Variants in MCM5 observed in about 807,000 individuals in gnomAD.
MCM5 encodes the protein minichromosome maintenance complex component 5.
A neutral mutation model predicts 79.9 loss-of-function variants in MCM5; 46 were observed. That is an observed-to-expected ratio of 0.58 (90% CI 0.45 to 0.74). MCM5 has a LOEUF of 0.74. Among genes scored for constraint, MCM5 ranks in the 30% least tolerant of loss-of-function variants. MCM5 has a pLI of 0.00. For missense variants in MCM5, 883 were observed against 1,017.0 expected, an observed-to-expected ratio of 0.87 and a Z score of 1.79; for synonymous variants, 404 against 390.5, an observed-to-expected ratio of 1.03 and a Z score of -0.41.
the MCM5 span, among the ~76,000 whole-genome samples, chr22:35,449,852 G>C: frequency 6.6e-6 from 1 of 152,168 alleles, no homozygotes; most frequent in African/African-American, 2.4e-5. Flanking sequence ...CACAATCACT[G>C]TTCACTGCAG....
chr22:35,454,044 GAC>G, the MCM5 span, among the ~76,000 whole-genome samples: 14 of 152,098 alleles, frequency 9.2e-5, no homozygotes, highest in African/African-American at 2.9e-4. Flanking sequence ...GACAGAGACA[GAC>G]AGAGATAGAG....
At chr22:35,444,166 G>GGAGAGAGA in the MCM5 span, among the ~76,000 whole-genome samples, 308 of 148,014 alleles carry the variant, frequency 2.1e-3, 2 homozygotes, top group African/African-American at 3.3e-3. Context: ...CTGACAGGCA[G>GGAGAGAGA]GAGAGAGAGA....
At chr22:35,411,172 A>C (rs976194615) in intron 7 of MCM5, 20 of 306,552 alleles carry the variant, frequency 6.5e-5, no homozygotes, top group Non-Finnish European at 9.7e-5. Flanking sequence ...AATTACTGAA[A>C]GCCAAGTCTT....
Position 35,423,076 on chromosome 22 carries a change from C to G in MCM5, c.1976-138C>G, listed in dbSNP as rs1039221378. ...TCTCCTCAATCAGGCCTGCACCACC[C>G]TGGCACACTCGGTGCCCTTTTCTGA... On this transcript the variant is annotated intron_variant, in intron 15 of 16. Coordinates refer to ENST00000216122, the MANE Select transcript of MCM5 (RefSeq NM_006739.4). The G allele has an allele frequency of 1.5e-5, 13 of 894,134 alleles. No individual in the cohort carries two copies. The Admixed American group carries it at 1.6e-4, about 11-fold the overall frequency. The allele number at this position is 894,134 out of a possible 1,614,324, so 55.4% of individuals were successfully genotyped here.
chr22:35,432,307 C>T, the MCM5 span, among the ~76,000 whole-genome samples: 61,341 of 151,956 alleles, frequency 0.4, 14,864 homozygotes, highest in Non-Finnish European at 0.54. Flanking sequence ...GAGATGGGAC[C>T]CCATGGAGGC....
intron 14 of MCM5, 74 bp from the exon 15 acceptor site, chr22:35,421,244 C>G: frequency 1.3e-6 from 2 of 1,512,746 alleles, no homozygotes; most frequent in South Asian, 2.5e-5. Context: ...CAAGCACCTC[C>G]CTGGTAACGG....
chr22:35,410,786 C>G lies in MCM5; in HGVS notation c.795C>G (p.Ile265Met), dbSNP rs200053557. 369 of 1,614,052 alleles carry G rather than the reference C, an allele frequency of 2.3e-4. No individual in the cohort carries two copies. Among genetic ancestry groups the G allele is most frequent in the Non-Finnish European group, 2.9e-4 (338 of 1,180,024 alleles). ...DKVVPGNRVT[I>M]MGIYSIKKFG... ...TCGTCCCTGGGAACAGGGTTACCAT[C>G]ATGGGCATCTACTCCATCAAGAAGT... is the stretch of plus-strand genomic sequence containing the variant. Residue 265 changes from isoleucine (I) to methionine (M), a missense_variant, in exon 7 of 17, where the codon ATC (isoleucine) becomes ATG (methionine). Ile to Met is a conservative substitution (Grantham distance 10, BLOSUM62 1). Coordinates refer to ENST00000216122, the MANE Select transcript of MCM5 (RefSeq NM_006739.4).
chr22:35,428,960 T>G, downstream of MCM5, among the ~76,000 whole-genome samples: 1 of 151,168 alleles, frequency 6.6e-6, no homozygotes, highest in East Asian at 1.9e-4. Flanking sequence ...TCCCAGTTCT[T>G]TTCTTTGACC....
intron 2 of MCM5, 87 bp downstream of exon 2, chr22:35,400,692 G>A: frequency 7.2e-7 from 1 of 1,396,132 alleles, no homozygotes; most frequent in African/African-American, 1.4e-5. Flanking sequence ...GGACAGTCAG[G>A]GCACAGATGG....
At chr22:35,431,798 T>C in the MCM5 span, among the ~76,000 whole-genome samples, 1 of 152,298 alleles carries the variant, frequency 6.6e-6, no homozygotes, top group African/African-American at 2.4e-5. Flanking sequence ...GGCTGTTTTC[T>C]CCAGCGACCC....
At chr22:35,406,304 C>CG (rs1932212622) in intron 4 of MCM5, among the ~76,000 whole-genome samples, 1 of 144,230 alleles carries the variant, frequency 6.9e-6, no homozygotes, top group South Asian at 2.3e-4. Context: ...CCACCTCCCC[C>CG]CCCAATTGTG....
At chr22:35,438,511 CTATG>C in the MCM5 span, among the ~76,000 whole-genome samples, 87 of 77,754 alleles carry the variant, frequency 1.1e-3, no homozygotes, top group East Asian at 3.1e-3. Context: ...ATCCATCCAT[CTATG>C]CATCCATCCA....
In MCM5 at chr22:35,412,615, C is replaced by G. The variant is rs1433876485; in HGVS notation, c.1025C>G (p.Ser342Cys). The G allele has an allele frequency of 1.9e-6, 3 of 1,578,884 alleles. No individual in the cohort carries two copies. The highest frequency in any genetic ancestry group is 2.6e-6 in the Non-Finnish European group (3 of 1,159,558). ...YEVISKSIAP[S>C]IFGGTDMKKA... ...GTCATCTCCAAGAGCATCGCCCCCT[C>G]CATCTTTGGGGGCACAGACATGAAG... is the stretch of plus-strand genomic sequence containing the variant. Residue 342 changes from serine (S) to cysteine (C), a missense_variant, in exon 8 of 17, where the codon TCC becomes TGC. Physicochemically the swap from Ser to Cys is moderately radical, Grantham distance 112 (BLOSUM62 -1). This residue lies in a region of MCM5 where 455 missense variants were observed against 517.5 expected (regional missense o/e 0.88). Transcript: ENST00000216122.
At chr22:35,430,304 T>C (rs867269585), downstream of MCM5, among the ~76,000 whole-genome samples, 9 of 152,274 alleles carry the variant, frequency 5.9e-5, no homozygotes, top group Middle Eastern at 3.4e-3. Context: ...AGAGGATTGA[T>C]AATAGTGTGG....
At position 35,423,378 on chromosome 22, in the gene MCM5, G is replaced by C. The variant is rs747854635; in HGVS notation, c.2103+37G>C. On this transcript the variant is annotated intron_variant, in intron 16 of 16. Transcript: ENST00000216122. Reference sequence around the variant, plus strand: ...TTGGAGTGGGGGTGTGAGCCGGCACGGGGTGCAGGTCTTCTGCTGGTTCCC... The same window carrying C: ...TTGGAGTGGGGGTGTGAGCCGGCACCGGGTGCAGGTCTTCTGCTGGTTCCC... 4 of 1,559,082 alleles carry C rather than the reference G, an allele frequency of 2.6e-6. No homozygotes were observed. The South Asian group carries it at 3.5e-5, about 14-fold the overall frequency.
downstream of MCM5, among the ~76,000 whole-genome samples, chr22:35,426,978 C>T (rs1481763276): frequency 6.6e-6 from 1 of 152,240 alleles, no homozygotes; most frequent in Non-Finnish European, 1.5e-5. Flanking sequence ...CCTGGTTTCT[C>T]TCTCTGTTCA....
chr22:35,448,274 G>A, the MCM5 span, among the ~76,000 whole-genome samples: 2 of 152,182 alleles, frequency 1.3e-5, no homozygotes, highest in Non-Finnish European at 2.9e-5. Flanking sequence ...CCTGGCCTAC[G>A]GGAAGGCGAA....
At chr22:35,441,934 G>T in the MCM5 span, among the ~76,000 whole-genome samples, 1 of 152,058 alleles carries the variant, frequency 6.6e-6, no homozygotes, top group Non-Finnish European at 1.5e-5. Flanking sequence ...CCGGTTCAGA[G>T]GCCCCTTCCC....
At chr22:35,402,231 C>T (rs1932075864) in intron 2 of MCM5, among the ~76,000 whole-genome samples, 1 of 151,986 alleles carries the variant, frequency 6.6e-6, no homozygotes, top group Non-Finnish European at 1.5e-5. Flanking sequence ...TAGTGAAACC[C>T]AGGCTCTATT....
Sources: gnomAD v4.1 joint callset for allele counts (sites outside exome capture counted in the v4.1 genomes callset) on GRCh38, gnomAD v4.1.1 for gene constraint, gnomAD v4.1.1 regional missense constraint, MANE v1.5 for transcripts, NCBI Gene and HGNC (gene_info 2026-07-23, HGNC 2026-07-21) for gene names.